The following CPS1 variants were observed in gnomAD, a reference collection of about 807,000 sequenced individuals.
CPS1 encodes carbamoyl-phosphate synthase [ammonia], mitochondrial.
CPS1 carries 109 observed loss-of-function variants against 174.6 expected under a neutral mutation model. The observed-to-expected ratio is 0.62, with a 90% CI of 0.53 to 0.73. The LOEUF (loss-of-function observed/expected upper bound fraction) is 0.73. CPS1 is among the 30% of genes least tolerant of loss of function. The probability of loss-of-function intolerance (pLI) is 0.00; values close to 1 mark genes in which losing one functional copy is unlikely to be tolerated. For missense variants in CPS1, 1,689 were observed against 1,821.9 expected (o/e 0.93, Z 1.33); for synonymous variants, 637 against 632.0 (o/e 1.01, Z -0.12).
Position 210,668,930 on chromosome 2 carries a change from C to A in CPS1, c.4101+646C>A, listed in dbSNP as rs533836376. Among the ~76,000 whole-genome samples, 16 of 152,198 alleles carry A rather than the reference C, an allele frequency of 1.1e-4. No individual in the cohort carries two copies. In the South Asian group the frequency reaches 3.3e-3, roughly 32 times the overall value. On this transcript the variant is annotated intron_variant, in intron 34 of 37. Transcript: ENST00000233072. The stretch of plus-strand genomic sequence containing the variant: ...TCACATTTCAATCACTTCTAAATGC[C>A]AAGGATTCAAAGTTGAATACATTGA...
chr2:210,554,984 C>T (rs1335336257), upstream of CPS1, among the ~76,000 whole-genome samples: 2 of 151,768 alleles, frequency 1.3e-5, no homozygotes, highest in African/African-American at 4.8e-5. Flanking sequence ...TTTTCATTCT[C>T]CTCCAATTCA....
chr2:210,508,644 A>G (rs1695357132), intron 1 of CPS1, among the ~76,000 whole-genome samples: 1 of 152,186 alleles, frequency 6.6e-6, no homozygotes, highest in African/African-American at 2.4e-5. Flanking sequence ...AGACTAATAA[A>G]GAAGAAAACA....
intron 36 of CPS1, 31 bp from the exon 37 acceptor site, chr2:210,676,976 G>A: frequency 1.9e-6 from 3 of 1,606,650 alleles, no homozygotes; most frequent in Non-Finnish European, 1.7e-6. Flanking sequence ...AATATGCCTT[G>A]TTGTCTATAA....
chr2:210,642,404 T>G, intron 24 of CPS1, 80 bp from the exon 25 acceptor site: 1 of 1,506,756 alleles, frequency 6.6e-7, no homozygotes, highest in South Asian at 1.1e-5. Context: ...CTGGACTGAC[T>G]GGTGATACAT....
rs1337479872 is a variant in CPS1, at chr2:210,628,410, C to T, written c.2688-9292C>T. Among the ~76,000 whole-genome samples the T allele has an allele frequency of 1.1e-4, 16 of 152,196 alleles. 2 individuals carry two copies. Among genetic ancestry groups the T allele is most frequent in the Admixed American group, 1.0e-3 (16 of 15,274 alleles). ...TTTTCCCACATCCTCCTAAAAATAA[C>T]TTCTCCTTTTCCTCCTTTCTAAAAA... is the stretch of plus-strand genomic sequence containing the variant. On this transcript the variant is annotated intron_variant, in intron 21 of 37. Coordinates refer to ENST00000233072, the MANE Select transcript of CPS1 (RefSeq NM_001875.5).
intron 21 of CPS1, among the ~76,000 whole-genome samples, chr2:210,636,814 G>A (rs1436407136): frequency 2.0e-5 from 3 of 152,066 alleles, no homozygotes; most frequent in African/African-American, 7.2e-5. Context: ...GAAGGTAAAA[G>A]GAATGTTAAA....
intron 1 of CPS1, among the ~76,000 whole-genome samples, chr2:210,509,131 A>T (rs189144572): frequency 6.6e-6 from 1 of 152,252 alleles, no homozygotes; most frequent in Non-Finnish European, 1.5e-5. Context: ...AAAATCCTCA[A>T]TATAATACTG....
In CPS1 at chr2:210,648,043, G is replaced by C; in HGVS notation, c.3322G>C (p.Ala1108Pro). 6.2e-7 allele frequency: 1 copy of C among 1,613,958 alleles called. No individual in the cohort carries two copies. Among genetic ancestry groups the C allele is most frequent in the Non-Finnish European group, 8.5e-7 (1 of 1,179,894 alleles). Reference sequence around the variant, plus strand: ...GAAGGTGGCTCAGGCACCTTGGAAAGCTGTTAATACTTTGGTAAGGAGAGA... The same window carrying C: ...GAAGGTGGCTCAGGCACCTTGGAAACCTGTTAATACTTTGGTAAGGAGAGA... ...ELKVAQAPWK[A>P]VNTLNEALEF... Residue 1108 changes from alanine to proline, a missense_variant, in exon 26 of 38, where the codon GCT becomes CCT. Physicochemically the swap from Ala to Pro is conservative, Grantham distance 27. Coordinates refer to ENST00000233072, the MANE Select transcript of CPS1 (RefSeq NM_001875.5).
At chr2:210,661,903 C>CT (rs397987631) in intron 32 of CPS1, among the ~76,000 whole-genome samples, 18,011 of 106,678 alleles carry the variant, frequency 0.17, 2,652 homozygotes, top group Non-Finnish European at 0.19. Context: ...GATAGATATG[C>CT]TTTTTTTTTT....
chr2:210,527,338 A>T (rs1366967722), intron 1 of CPS1, among the ~76,000 whole-genome samples: 1 of 151,974 alleles, frequency 6.6e-6, no homozygotes, highest in Non-Finnish European at 1.5e-5. Context: ...AACATTATGC[A>T]CATATTGAAA....
intron 1 of CPS1, among the ~76,000 whole-genome samples, chr2:210,533,462 G>T (rs1008651411): frequency 1.3e-5 from 2 of 152,064 alleles, no homozygotes; most frequent in Non-Finnish European, 2.9e-5. Flanking sequence ...GAAAACTGAG[G>T]TACAAAGAGG....
Position 210,577,338 on chromosome 2 carries a change from CTT to C in CPS1, c.382-82_382-81del, listed in dbSNP as rs1697746760. 3 of 1,130,728 alleles carry C rather than the reference CTT, an allele frequency of 2.7e-6. No homozygotes were observed. The South Asian group carries it at 3.7e-5, about 14-fold the overall frequency. 70.0% of individuals were successfully genotyped at this position (1,130,728 alleles called of 1,614,324 possible). ...TCTCATGTCAGTGGATATCATAAAA[CTT>C]AAAAACAAATGCAAATTGACTCACA... is the stretch of plus-strand genomic sequence containing the variant. On this transcript the variant is annotated intron_variant, in intron 3 of 37. Transcript: ENST00000233072.
chr2:210,600,802 G>A, intron 15 of CPS1, 90 bp downstream of exon 15: 1 of 1,357,976 alleles, frequency 7.4e-7, no homozygotes, highest in South Asian at 1.2e-5. Context: ...TAATAGTTAA[G>A]ATTATTATAC....
chr2:210,591,391 A>G (rs1698291383), intron 9 of CPS1, among the ~76,000 whole-genome samples: 1 of 151,988 alleles, frequency 6.6e-6, no homozygotes, highest in South Asian at 2.1e-4. Context: ...TTTATTAAAC[A>G]TCAGGCTTTT....
intron 1 of CPS1, among the ~76,000 whole-genome samples, chr2:210,539,820 T>C (rs1157059103): frequency 6.6e-6 from 1 of 152,188 alleles, no homozygotes. Context: ...GGCTTCTTAA[T>C]TCTTCCTGTA....
At chr2:210,663,298 C>G in intron 33 of CPS1, 101 bp downstream of exon 33, 1 of 1,130,194 alleles carries the variant, frequency 8.8e-7, no homozygotes, top group Non-Finnish European at 1.3e-6. Context: ...AAAACATCTG[C>G]TATCAGAGTA....
In CPS1 at chr2:210,576,566, G is replaced by A. The variant is rs1226303113; in HGVS notation, c.381+76G>A. 2.6e-6 allele frequency: 4 copies of A among 1,536,616 alleles called. No individual in the cohort carries two copies. The East Asian group carries it at 6.8e-5, about 26-fold the overall frequency. On this transcript the variant is annotated intron_variant, in intron 3 of 37. Transcript: ENST00000233072. ...TGACTTATTCTTAAGAATTAGGATG[G>A]CCAAACTTTCTTCCTCAATACGGTA... is the stretch of plus-strand genomic sequence containing the variant.
At chr2:210,629,159 ATCT>A (rs996738083) in intron 21 of CPS1, among the ~76,000 whole-genome samples, 11 of 152,228 alleles carry the variant, frequency 7.2e-5, no homozygotes, top group African/African-American at 2.4e-4. Context: ...TACTGAATAC[ATCT>A]TCTTTATTTT....
chr2:210,639,326 A>G (rs1352346538), intron 23 of CPS1, 111 bp downstream of exon 23: 7 of 920,192 alleles, frequency 7.6e-6, no homozygotes, highest in Admixed American at 6.1e-5. Flanking sequence ...AAAAAAAGGC[A>G]TCATGGCCGG....
Sources: gnomAD v4.1 joint callset for allele counts (sites outside exome capture counted in the v4.1 genomes callset) on GRCh38, gnomAD v4.1.1 for gene constraint, MANE v1.5 for transcripts, NCBI Gene and HGNC (gene_info 2026-07-23, HGNC 2026-07-21) for gene names.